Variants in YTHDF1 observed in about 807,000 individuals in gnomAD.
YTHDF1 encodes YTH N6-methyladenosine RNA binding protein F1, also known as YTH domain-containing family protein 1.
YTHDF1 carries 16 observed loss-of-function variants against 49.1 expected under a neutral mutation model. That is an observed-to-expected ratio of 0.33 (90% CI 0.22 to 0.49). The LOEUF is 0.49. Among genes scored for constraint, YTHDF1 ranks in the 20% least tolerant of loss-of-function variants. The probability of loss-of-function intolerance (pLI) is 0.99; values close to 1 mark genes in which losing one functional copy is unlikely to be tolerated. For missense variants in YTHDF1, 621 were observed against 744.3 expected, an observed-to-expected ratio of 0.83 and a Z score of 1.93; for synonymous variants, 313 against 290.1, an observed-to-expected ratio of 1.08 and a Z score of -0.80.
rs1041034986 is a variant in YTHDF1 at position 63,215,727 on chromosome 20, G to T, written c.28-126C>A. The T allele has an allele frequency of 4.3e-6, 6 of 1,390,270 alleles. No individual in the cohort carries two copies. The Admixed American group carries it at 1.7e-4, about 40-fold the overall frequency. The allele number at this position is 1,390,270 out of a possible 1,614,324, so 86.1% of individuals were successfully genotyped here. A position where few individuals can be genotyped will look rare whatever the true frequency, so the allele number is the denominator to read the frequency against. Reference sequence around the variant, plus strand: ...TCCGCCGGCCCCGACGCGCGGTCACGTGCGACCCCGGCCCCGAGACCCCGG... The same window carrying T: ...TCCGCCGGCCCCGACGCGCGGTCACTTGCGACCCCGGCCCCGAGACCCCGG... On this transcript the variant is annotated intron_variant, in intron 1 of 4. Transcript: ENST00000370339.
rs778991265 is a variant in YTHDF1 at position 63,203,718 on chromosome 20, C to T, written c.222G>A (p.Pro74=). The T allele has an allele frequency of 2.3e-5, 37 of 1,614,114 alleles. No homozygotes were observed. Among genetic ancestry groups the T allele is most frequent in the South Asian group, 4.4e-5 (4 of 91,076 alleles). The part of the protein sequence containing the change: ...IGFPYSLNEA[P]WSTAGDPPIP... ...TCGGAGGGTCCCCTGCAGTAGACCA[C>T]GGAGCCTCATTGAGGGAGTAAGGAA... The change falls in exon 4 of 5, where the codon CCG becomes CCA. Residue 74 remains proline, a synonymous_variant. Transcript: ENST00000370339. The surrounding 1 kb of genome is among the most constrained non-coding windows in gnomAD (Gnocchi z 4.4).
chr20:63,209,468 T>C (rs1036851815), intron 3 of YTHDF1, among the ~76,000 whole-genome samples: 2 of 152,228 alleles, frequency 1.3e-5, no homozygotes, highest in African/African-American at 4.8e-5. Context: ...TTTGAACTTT[T>C]TTGTTATAAA....
chr20:63,205,374 C>T lies in YTHDF1; in HGVS notation c.133-1567G>A, dbSNP rs537692186. On this transcript the variant is annotated intron_variant, in intron 3 of 4. Transcript: ENST00000370339. ...CCCAACACCAGCCAACACTGGTGGA[C>T]TAATGAACCAATGACCCGGCCACCA... Among the ~76,000 whole-genome samples the T allele has an allele frequency of 1.1e-4, 16 of 152,346 alleles. No individual in the cohort carries two copies. The East Asian group carries it at 3.1e-3, about 29-fold the overall frequency.
intron 3 of YTHDF1, among the ~76,000 whole-genome samples, chr20:63,210,213 C>T (rs181753349): frequency 1.3e-5 from 2 of 152,298 alleles, no homozygotes; most frequent in South Asian, 4.2e-4. Flanking sequence ...TGGTCTGTTG[C>T]TGACCAAACT....
At chr20:63,206,223 G>A (rs1054537508) in intron 3 of YTHDF1, among the ~76,000 whole-genome samples, 1 of 152,178 alleles carries the variant, frequency 6.6e-6, no homozygotes, top group African/African-American at 2.4e-5. Context: ...AAGAGCAGAT[G>A]GGAAAAAAAG....
At chr20:63,209,811 C>A (rs1452393796) in intron 3 of YTHDF1, among the ~76,000 whole-genome samples, 1 of 152,190 alleles carries the variant, frequency 6.6e-6, no homozygotes, top group Non-Finnish European at 1.5e-5. Flanking sequence ...CCACATCTTG[C>A]CCCACTGGAA....
Position 63,215,926 on chromosome 20 carries a change from C to A in YTHDF1, c.-34G>T. ...AACAACTAGACGCGGGGCCGGGGCG[C>A]CCGCCGGCTCGGGCCTCCCCTAGAG... is the stretch of plus-strand genomic sequence containing the variant. On this transcript the variant is annotated 5_prime_UTR_variant, in exon 1 of 5. Transcript: ENST00000370339. The A allele has an allele frequency of 7.3e-7, 1 of 1,363,820 alleles. No homozygotes were observed. The highest frequency in any genetic ancestry group is 9.5e-7 in the Non-Finnish European group (1 of 1,052,702). 84.5% of individuals were successfully genotyped at this position (1,363,820 alleles called of 1,614,324 possible).
intron 3 of YTHDF1, among the ~76,000 whole-genome samples, chr20:63,211,748 G>T (rs2066575361): frequency 6.6e-6 from 1 of 152,156 alleles, no homozygotes; most frequent in Non-Finnish European, 1.5e-5. Flanking sequence ...GAGCCCAGAA[G>T]TTCAAGACTA....
chr20:63,213,348 C>T (rs1601240944), intron 3 of YTHDF1, among the ~76,000 whole-genome samples: 2 of 152,198 alleles, frequency 1.3e-5, no homozygotes, highest in African/African-American at 4.8e-5. Flanking sequence ...AGGAGGAATG[C>T]TTGAACCCGG....
chr20:63,206,922 T>G (rs1175458091), intron 3 of YTHDF1, among the ~76,000 whole-genome samples: 1 of 150,930 alleles, frequency 6.6e-6, no homozygotes, highest in East Asian at 1.9e-4. Context: ...TGAGGGAAGC[T>G]GTCCCATTCA....
At position 63,202,983 on chromosome 20, in the gene YTHDF1, G is replaced by C; in HGVS notation, c.957C>G (p.Ser319Arg). Residue 319 changes from serine to arginine, a missense_variant, in exon 4 of 5, where the codon AGC becomes AGG. By Grantham distance (110) the Ser-to-Arg change is moderately radical. Transcript: ENST00000370339. ...AGCGGGTCTGGGGTGGCTGCTGAGGGCTCTGATACTGCGGTTGAGCCAAAG... is the reference window on the plus strand; with the variant it reads ...AGCGGGTCTGGGGTGGCTGCTGAGGCCTCTGATACTGCGGTTGAGCCAAAG... ...PPALAQPQYQ[S>R]PQQPPQTRWV... is the part of the protein sequence containing the mutation. 6.2e-7 allele frequency: 1 copy of C among 1,613,462 alleles called. No individual in the cohort carries two copies. The highest frequency in any genetic ancestry group is 2.2e-5 in the East Asian group (1 of 44,890).
Position 63,202,875 on chromosome 20 carries a change from C to T in YTHDF1, c.1065G>A (p.Gln355=). The change falls in exon 4 of 5, where the codon CAG becomes CAA. Residue 355 remains glutamine, a synonymous_variant. Transcript: ENST00000370339. ...ATTCGACGCTGGGGGCAGAATTAGGCTGGACGTTTCCAGGAGAGTTGCTAT... is the reference window on the plus strand; with the variant it reads ...ATTCGACGCTGGGGGCAGAATTAGGTTGGACGTTTCCAGGAGAGTTGCTAT... ...GSDSNSPGNV[Q]PNSAPSVESH... 1.2e-6 allele frequency: 2 copies of T among 1,613,942 alleles called. No individual in the cohort carries two copies. The highest frequency in any genetic ancestry group is 1.7e-6 in the Non-Finnish European group (2 of 1,180,054).
chr20:63,203,300 C>T lies in YTHDF1; in HGVS notation c.640G>A (p.Gly214Ser). The stretch of plus-strand genomic sequence containing the variant: ...GTCCCACCGTTGCCAGAAAGGACAC[C>T]AGTCAGTGCCACGCTGCTGACGACA... ...GSVVSSVALTGVLSGNGGTNV... is the reference protein window; with the variant it reads ...GSVVSSVALTSVLSGNGGTNV... Residue 214 changes from glycine to serine, a missense_variant, in exon 4 of 5, where the codon GGT (glycine) becomes AGT (serine). Gly to Ser is a moderately conservative substitution (Grantham distance 56). Around this residue, in one of 2 missense-constraint regions of YTHDF1, gnomAD observed 470 missense variants for 495.8 expected, o/e 0.95. Coordinates refer to ENST00000370339, the MANE Select transcript of YTHDF1 (RefSeq NM_017798.4). The surrounding 1 kb of genome is among the most constrained non-coding windows in gnomAD (Gnocchi z 4.4). 1 of 1,613,744 alleles carries T rather than the reference C, an allele frequency of 6.2e-7. No individual in the cohort carries two copies. The highest frequency in any genetic ancestry group is 8.5e-7 in the Non-Finnish European group (1 of 1,180,044).
At chr20:63,211,909 A>C (rs2066576044) in intron 3 of YTHDF1, among the ~76,000 whole-genome samples, 2 of 150,754 alleles carry the variant, frequency 1.3e-5, no homozygotes, top group Non-Finnish European at 2.9e-5. Flanking sequence ...GTGAGCTATA[A>C]TCATGCCCCT....
rs2066488906 is a variant in YTHDF1 at position 63,195,567 on chromosome 20, G to A, written c.*1141C>T. ...ACAAGTCTAATGATACAGCTGAAAC[G>A]TTAACTCAGAGGGTCTTTTGGAGCA... On this transcript the variant is annotated 3_prime_UTR_variant, in exon 5 of 5. Coordinates refer to ENST00000370339, the MANE Select transcript of YTHDF1 (RefSeq NM_017798.4). 6.6e-6 allele frequency: 1 copy of A among 152,640 alleles called. No homozygotes were observed. Among genetic ancestry groups the A allele is most frequent in the Admixed American group, 6.5e-5 (1 of 15,280 alleles). 9.5% of individuals were successfully genotyped at this position (152,640 alleles called of 1,614,324 possible).
chr20:63,214,100 CAACT>C lies in YTHDF1; in HGVS notation c.53-161_53-158del, dbSNP rs373523340. On this transcript the variant is annotated intron_variant, in intron 2 of 4. Coordinates refer to ENST00000370339, the MANE Select transcript of YTHDF1 (RefSeq NM_017798.4). ...AACCAGTATAGAACTGATGTTTATA[CAACT>C]AATTAGAAGGGGGACGGGAAACTTT... 1.0e-3 allele frequency: 966 copies of C among 968,006 alleles called. 3 individuals carry two copies. The highest frequency in any genetic ancestry group is 1.1e-3 in the Non-Finnish European group (907 of 814,098). 60.0% of individuals were successfully genotyped at this position (968,006 alleles called of 1,614,324 possible). A position where few individuals can be genotyped will look rare whatever the true frequency, so the allele number is the denominator to read the frequency against.
chr20:63,198,169 A>T (rs576118414), intron 4 of YTHDF1, among the ~76,000 whole-genome samples: 1 of 152,148 alleles, frequency 6.6e-6, no homozygotes, highest in Non-Finnish European at 1.5e-5. Flanking sequence ...GTGGTGGCTC[A>T]TGCCTGTAAT....
intron 3 of YTHDF1, among the ~76,000 whole-genome samples, chr20:63,206,611 G>A (rs983234632): frequency 6.6e-6 from 1 of 152,154 alleles, no homozygotes; most frequent in South Asian, 2.1e-4. Context: ...CAGCTCTGCT[G>A]GCAGCCCTAA....
intron 3 of YTHDF1, among the ~76,000 whole-genome samples, chr20:63,210,033 C>T (rs1338792432): frequency 6.6e-6 from 1 of 152,108 alleles, no homozygotes; most frequent in Non-Finnish European, 1.5e-5. Flanking sequence ...TGGTACTGTA[C>T]GTAACTGTAG....
Sources: allele counts gnomAD v4.1 joint callset (sites outside exome capture counted in the v4.1 genomes callset), GRCh38; gene constraint gnomAD v4.1.1; regional missense constraint gnomAD v4.1.1; non-coding constraint Gnocchi (gnomAD v3.1); transcripts MANE v1.5; gene names NCBI Gene and HGNC (gene_info 2026-07-23, HGNC 2026-07-21).